TDRD12: variants seen among roughly 807,000 people sequenced by gnomAD.
The protein encoded by TDRD12 is tudor domain containing 12.
Under a neutral mutation model 133.5 loss-of-function variants are expected in TDRD12, and 158 were observed. The ratio of observed to expected loss-of-function variants is 1.18; its 90% CI spans 1.04 to 1.35. TDRD12 has a LOEUF of 1.35. TDRD12 is among the 40% of genes most tolerant of loss of function. The pLI is 0.00. For synonymous variants in TDRD12, 460 were observed against 477.9 expected, an observed-to-expected ratio of 0.96 and a Z score of 0.49; for missense variants, 1,443 against 1,321.3, an observed-to-expected ratio of 1.09 and a Z score of -1.43.
intron 10 of TDRD12, among the ~76,000 whole-genome samples, chr19:32,775,310 C>G (rs1970550205): frequency 6.6e-6 from 1 of 152,104 alleles, no homozygotes; most frequent in South Asian, 2.1e-4. Flanking sequence ...TTGAGCCCAT[C>G]CTGTGAGTAT....
At chr19:32,816,544 TG>T (rs1479755495) in intron 26 of TDRD12, among the ~76,000 whole-genome samples, 1 of 152,230 alleles carries the variant, frequency 6.6e-6, no homozygotes, top group Non-Finnish European at 1.5e-5. Flanking sequence ...TACTGTTGAC[TG>T]GGGAAATTTC....
At chr19:32,753,564 C>T (rs1053047484) in intron 6 of TDRD12, among the ~76,000 whole-genome samples, 3 of 151,922 alleles carry the variant, frequency 2.0e-5, no homozygotes, top group Non-Finnish European at 2.9e-5. Flanking sequence ...AGTACACTGG[C>T]GCGATCTCTG....
exon 14 of TDRD12, chr19:32,794,669 A>G: frequency 1.4e-6 from 1 of 702,910 alleles, no homozygotes; most frequent in Admixed American, 2.0e-5. Context: ...GCCACACTGA[A>G]TCTTACTCTT....
At chr19:32,735,585 G>A (rs1218162144) in intron 2 of TDRD12, among the ~76,000 whole-genome samples, 1 of 152,236 alleles carries the variant, frequency 6.6e-6, no homozygotes, top group South Asian at 2.1e-4. Flanking sequence ...TATGATCATT[G>A]TTGAAAGTGG....
rs567554878 is a variant in TDRD12 at position 32,810,315 on chromosome 19, G to T, written c.2837+38G>T. On this transcript the variant is annotated intron_variant, in intron 23 of 27. Transcript: ENST00000444215. ...TTTACTTCATCTGTAAAGTTTTGAAGCATGAGGTAACTAAGTGGTGTTGAG... is the reference window on the plus strand; with the variant it reads ...TTTACTTCATCTGTAAAGTTTTGAATCATGAGGTAACTAAGTGGTGTTGAG... 1.2e-4 allele frequency: 175 copies of T among 1,444,868 alleles called. No individual in the cohort carries two copies. In the Middle Eastern group the frequency reaches 1.4e-3, roughly 12 times the overall value. The allele number at this position is 1,444,868 out of a possible 1,614,324, so 89.5% of individuals were successfully genotyped here. A position where few individuals can be genotyped will look rare whatever the true frequency, so the allele number is the denominator to read the frequency against.
At chr19:32,823,432 A>T (rs183198762), downstream of TDRD12, among the ~76,000 whole-genome samples, 239 of 152,092 alleles carry the variant, frequency 1.6e-3, 1 homozygote, top group African/African-American at 5.4e-3. Flanking sequence ...ATCTGGAAGG[A>T]TGGGTTTAGA....
At chr19:32,797,572 C>CTG (rs1971266501) in intron 14 of TDRD12, among the ~76,000 whole-genome samples, 163 bp from the exon 15 acceptor site, 1 of 152,198 alleles carries the variant, frequency 6.6e-6, no homozygotes, top group Non-Finnish European at 1.5e-5. Flanking sequence ...GTGTCTAAAT[C>CTG]TGTTTTAATG....
At chr19:32,791,903 C>G (rs1003168873) in intron 13 of TDRD12, among the ~76,000 whole-genome samples, 51 of 149,476 alleles carry the variant, frequency 3.4e-4, no homozygotes, top group Non-Finnish European at 2.7e-4. Context: ...CCACCATGAA[C>G]AGACATCAGG....
chr19:32,821,394 G>T, downstream of TDRD12: 1 of 373,620 alleles, frequency 2.7e-6, no homozygotes, highest in East Asian at 5.7e-5. Flanking sequence ...GTGTGTGTGT[G>T]TGTGTGTGTG....
rs1971453749 is a variant in TDRD12 at position 32,803,280 on chromosome 19, T to A, written c.2552+138T>A. The A allele has an allele frequency of 4.8e-6, 3 of 627,694 alleles. No individual in the cohort carries two copies. The South Asian group carries it at 6.7e-5, about 14-fold the overall frequency. The allele number at this position is 627,694 out of a possible 1,614,324, so 38.9% of individuals were successfully genotyped here. ...GAGCAGTCTGGGGGTTCCCTCGCAC[T>A]CTTCCCCACGTGCCCTCCCCTCTGC... On this transcript the variant is annotated intron_variant, in intron 21 of 27. Transcript: ENST00000444215.
Position 32,790,594 on chromosome 19 carries a change from ATT to A in TDRD12, c.1182+4_1182+5del. The A allele has an allele frequency of 1.9e-6, 3 of 1,551,842 alleles. No homozygotes were observed. Among genetic ancestry groups the A allele is most frequent in the Non-Finnish European group, 8.7e-7 (1 of 1,147,046 alleles). ...ACGGAATCTCTGATCTCCAGCAGGT[ATT>A]ACAGGCCCTAAAAAAAGTAAAATAA... On this transcript the variant is annotated splice_donor_5th_base_variant and intron_variant, in intron 12 of 27. Transcript: ENST00000444215.
intron 19 of TDRD12, among the ~76,000 whole-genome samples, 155 bp downstream of exon 19, chr19:32,802,028 C>T (rs1159526529): frequency 6.6e-6 from 1 of 151,286 alleles, no homozygotes; most frequent in Non-Finnish European, 1.5e-5. Context: ...GAAAAATTAA[C>T]CTCCACTAAG....
chr19:32,782,118 G>GCCCCCCA (rs1970786747), intron 11 of TDRD12, among the ~76,000 whole-genome samples: 1 of 116,948 alleles, frequency 8.6e-6, no homozygotes, highest in Admixed American at 9.4e-5. Context: ...CCCTCCCCTA[G>GCCCCCCA]CCCCCCACCC....
intron 11 of TDRD12, among the ~76,000 whole-genome samples, chr19:32,780,448 G>A (rs1243076379): frequency 2.6e-5 from 4 of 152,114 alleles, no homozygotes; most frequent in Admixed American, 6.5e-5. Context: ...AATGCATGTC[G>A]AAGCCTGGAC....
At chr19:32,777,194 G>C (rs1599571178) in exon 11 of TDRD12, 2 of 1,542,944 alleles carry the variant, frequency 1.3e-6, no homozygotes, top group Non-Finnish European at 1.7e-6. Flanking sequence ...GATTGACTGA[G>C]AAGAAAGAAT....
At chr19:32,769,852 T>G (rs1364177497) in intron 8 of TDRD12, among the ~76,000 whole-genome samples, 1 of 152,090 alleles carries the variant, frequency 6.6e-6, no homozygotes, top group Admixed American at 6.5e-5. Flanking sequence ...ATCAGGCTGG[T>G]CTCGAACTCC....
At chr19:32,778,215 A>G (rs373188480) in intron 11 of TDRD12, among the ~76,000 whole-genome samples, 3 of 152,034 alleles carry the variant, frequency 2.0e-5, no homozygotes, top group East Asian at 3.9e-4. Flanking sequence ...CCCAGAGGCC[A>G]TGCTGATGAC....
At chr19:32,827,372 C>CTTTTCTTTTTTTTTTTTTTT (rs61327156) in exon 10 of TDRD12, 3 of 119,008 alleles carry the variant, frequency 2.5e-5, no homozygotes, top group African/African-American at 7.0e-5. Flanking sequence ...CTTTTCTTTT[C>CTTTTCTTTTTTTTTTTTTTT]TTTTTTTTTT....
In TDRD12 at chr19:32,754,224, T is replaced by C. The variant is rs181137874; in HGVS notation, c.583-1768T>C. Among the ~76,000 whole-genome samples, 81 of 152,308 alleles carry C rather than the reference T, an allele frequency of 5.3e-4. No individual in the cohort carries two copies. The East Asian group carries it at 0.012, about 22-fold the overall frequency. ...ACTTACACCTGTTTAATCCCAGCAC[T>C]TTGGGAGGCTGATGTGGGTGGATTG... On this transcript the variant is annotated intron_variant, in intron 6 of 27. Transcript: ENST00000444215.
Sources: allele counts gnomAD v4.1 joint callset (sites outside exome capture counted in the v4.1 genomes callset), GRCh38; gene constraint gnomAD v4.1.1; transcripts MANE v1.5; gene names NCBI Gene and HGNC (gene_info 2026-07-23, HGNC 2026-07-21).